Variants in NTRK3 observed in about 807,000 individuals in gnomAD.
NTRK3 encodes neurotrophic receptor tyrosine kinase 3.
Under a neutral mutation model 91.7 loss-of-function variants are expected in NTRK3, and 24 were observed. The observed-to-expected ratio is 0.26, with a 90% CI of 0.19 to 0.37. The LOEUF (loss-of-function observed/expected upper bound fraction) is 0.37, where lower values mean the gene tolerates loss of function less well. NTRK3 is among the 10% of genes least tolerant of loss of function. The pLI, the probability that NTRK3 is intolerant of heterozygous loss-of-function variation, is 1.00. For synonymous variants in NTRK3, 483 were observed against 404.0 expected (o/e 1.20, Z -2.34); for missense variants, 880 against 1,068.9 (o/e 0.82, Z 2.46).
At chr15:88,137,590 C>A (rs759211351) in intron 6 of NTRK3, 29 bp from the exon 7 acceptor site, 10 of 1,610,484 alleles carry the variant, frequency 6.2e-6, no homozygotes, top group African/African-American at 5.3e-5. Context: ...GGGAAGGGAA[C>A]CTCTGAACCG....
chr15:88,131,495 G>A (rs16941323), intron 10 of NTRK3, among the ~76,000 whole-genome samples: 29,696 of 152,110 alleles, frequency 0.2, 3,026 homozygotes, highest in Middle Eastern at 0.25. Context: ...CATACCCTTC[G>A]TGCCAACACC....
chr15:88,138,580 C>T (rs541718777), intron 6 of NTRK3, among the ~76,000 whole-genome samples: 75 of 152,186 alleles, frequency 4.9e-4, no homozygotes, highest in Non-Finnish European at 9.3e-4. Context: ...TTCAGCCACA[C>T]TGACCTTGGT....
At chr15:88,181,047 A>C (rs1353632196) in intron 5 of NTRK3, among the ~76,000 whole-genome samples, 1 of 152,028 alleles carries the variant, frequency 6.6e-6, no homozygotes, top group African/African-American at 2.4e-5. Context: ...CTGGGTGCTG[A>C]CTTTCTTGAA....
At position 87,885,693 on chromosome 15, in the gene NTRK3, C is replaced by A. The variant is rs2141515292; in HGVS notation, c.2134-5265G>T. ...TAAAAAAAATACGCTTAGATACCTA[C>A]CTCACACCATATACAAAAATCATTT... On this transcript the variant is annotated intron_variant, in intron 17 of 18. Coordinates refer to ENST00000394480, the Ensembl canonical transcript of NTRK3. The A allele has an allele frequency of 1.4e-6, 2 of 1,390,822 alleles. No homozygotes were observed. The highest frequency in any genetic ancestry group is 1.9e-6 in the Non-Finnish European group (2 of 1,036,424). The allele number at this position is 1,390,822 out of a possible 1,614,324, so 86.2% of individuals were successfully genotyped here. A position where few individuals can be genotyped will look rare whatever the true frequency, so the allele number is the denominator to read the frequency against.
chr15:88,198,245 C>A (rs985925715), intron 3 of NTRK3, among the ~76,000 whole-genome samples: 7 of 152,070 alleles, frequency 4.6e-5, no homozygotes, highest in Non-Finnish European at 7.4e-5. Context: ...CCCAGCCACC[C>A]CCTTCCCATC....
chr15:88,174,012 G>C (rs937097000), intron 5 of NTRK3, among the ~76,000 whole-genome samples: 2 of 152,250 alleles, frequency 1.3e-5, no homozygotes, highest in African/African-American at 4.8e-5. Context: ...TCTATAGTCA[G>C]TGCTTCACTG....
intron 3 of NTRK3, among the ~76,000 whole-genome samples, chr15:88,238,411 G>A (rs531407155): frequency 5.3e-5 from 8 of 151,954 alleles, no homozygotes; most frequent in African/African-American, 1.7e-4. Context: ...TCATCACCTG[G>A]AATTAATACA....
chr15:88,145,253 G>T (rs1041621563), intron 6 of NTRK3, among the ~76,000 whole-genome samples: 1 of 152,140 alleles, frequency 6.6e-6, no homozygotes, highest in Non-Finnish European at 1.5e-5. Flanking sequence ...CCAACACGCG[G>T]CCCCTCCAGC....
At chr15:88,168,010 T>A (rs751836468) in intron 5 of NTRK3, among the ~76,000 whole-genome samples, 1 of 151,734 alleles carries the variant, frequency 6.6e-6, no homozygotes, top group African/African-American at 2.4e-5. Context: ...GAGGGAAGAG[T>A]CAGCTCAAAA....
At chr15:88,015,172 A>G (rs2077142192) in intron 14 of NTRK3, among the ~76,000 whole-genome samples, 1 of 152,134 alleles carries the variant, frequency 6.6e-6, no homozygotes, top group Non-Finnish European at 1.5e-5. Context: ...TACCTTTTTT[A>G]TTACAGTGTT....
At chr15:88,040,754 T>C (rs1485721794) in intron 13 of NTRK3, among the ~76,000 whole-genome samples, 2 of 152,084 alleles carry the variant, frequency 1.3e-5, no homozygotes, top group African/African-American at 2.4e-5. Context: ...ACCCCAAGGA[T>C]GCTGGGATCC....
intron 13 of NTRK3, among the ~76,000 whole-genome samples, chr15:88,123,082 G>C (rs1225521808): frequency 1.3e-5 from 2 of 152,138 alleles, no homozygotes; most frequent in Non-Finnish European, 1.5e-5. Context: ...ATTGCGTCTT[G>C]GATGGGCAGC....
rs556669865 is a variant in NTRK3 at position 88,167,441 on chromosome 15, C to T, written c.395+15977G>A. On this transcript the variant is annotated intron_variant, in intron 5 of 18. Coordinates refer to ENST00000394480, the Ensembl canonical transcript of NTRK3. ...TTGAAAAAGTCTGAGACCTGGGTCC[C>T]GGCTCCTACTCTACTACTTCTAGCT... is the stretch of plus-strand genomic sequence containing the variant. Among the ~76,000 whole-genome samples, 8 of 152,250 alleles carry T rather than the reference C, an allele frequency of 5.3e-5. No individual in the cohort carries two copies. The East Asian group carries it at 1.2e-3, about 22-fold the overall frequency.
chr15:88,137,247 T>G (rs1480250136), intron 7 of NTRK3, among the ~76,000 whole-genome samples, 157 bp downstream of exon 7: 1 of 152,136 alleles, frequency 6.6e-6, no homozygotes, highest in Non-Finnish European at 1.5e-5. Context: ...AGAAGGGGAA[T>G]GATGAGTCAG....
chr15:88,011,064 GA>G (rs1169855063), intron 14 of NTRK3, among the ~76,000 whole-genome samples: 1 of 152,030 alleles, frequency 6.6e-6, no homozygotes, highest in Non-Finnish European at 1.5e-5. Context: ...ATGGGTTGTT[GA>G]GGGATATTTT....
chr15:88,038,122 C>T (rs1304870194), intron 13 of NTRK3, among the ~76,000 whole-genome samples: 2 of 152,202 alleles, frequency 1.3e-5, no homozygotes, highest in Non-Finnish European at 2.9e-5. Flanking sequence ...CCCCAAGACC[C>T]TTTTTAAAGA....
intron 17 of NTRK3, among the ~76,000 whole-genome samples, chr15:87,899,444 T>C (rs1300721053): frequency 1.4e-5 from 2 of 142,738 alleles, no homozygotes; most frequent in Non-Finnish European, 3.0e-5. Context: ...GCATTCGAAC[T>C]CCATCAGTCA....
rs2151311772 is a variant in NTRK3 at position 88,147,317 on chromosome 15, C to T, written c.464+18G>A. 1 of 1,612,356 alleles carries T rather than the reference C, an allele frequency of 6.2e-7. No individual in the cohort carries two copies. Among genetic ancestry groups the T allele is most frequent in the Non-Finnish European group, 8.5e-7 (1 of 1,178,634 alleles). On this transcript the variant is annotated intron_variant, in intron 6 of 18. Coordinates refer to ENST00000394480, the Ensembl canonical transcript of NTRK3. The stretch of plus-strand genomic sequence containing the variant: ...ACCAGCACTTCAGTACCTGGACAGT[C>T]TTCAAAACCAAACTTACAATTCCCG...
At chr15:88,065,104 G>A (rs2046535779) in intron 13 of NTRK3, among the ~76,000 whole-genome samples, 1 of 152,068 alleles carries the variant, frequency 6.6e-6, no homozygotes, top group African/African-American at 2.4e-5. Flanking sequence ...AATTTTACAG[G>A]CACCAATTCA....
Sources: allele counts gnomAD v4.1 joint callset (sites outside exome capture counted in the v4.1 genomes callset), GRCh38; gene constraint gnomAD v4.1.1; transcripts MANE v1.5; gene names NCBI Gene and HGNC (gene_info 2026-07-23, HGNC 2026-07-21).